DACH2: variants seen among roughly 807,000 people sequenced by gnomAD.
DACH2 encodes dachshund family transcription factor 2.
DACH2 carries 17 observed loss-of-function variants against 35.8 expected under a neutral mutation model. The observed-to-expected ratio is 0.48, with a 90% CI of 0.33 to 0.71. The LOEUF (loss-of-function observed/expected upper bound fraction) is 0.71. DACH2 is among the 30% of genes least tolerant of loss of function. DACH2 has a pLI of 0.02. For missense variants in DACH2, 469 were observed against 472.7 expected (o/e 0.99, Z 0.07); for synonymous variants, 195 against 177.3 (o/e 1.10, Z -0.79).
intron 3 of DACH2, among the ~76,000 whole-genome samples, chrX:86,523,815 C>A (rs1312777971): frequency 9.0e-6 from 1 of 110,918 alleles, no homozygotes; most frequent in Non-Finnish European, 1.9e-5. Context: ...TCTACAGGAG[C>A]AATTGGGGAA....
intron 1 of DACH2, among the ~76,000 whole-genome samples, chrX:86,173,666 T>C (rs2031205025): frequency 1.8e-5 from 2 of 111,587 alleles, no homozygotes; most frequent in Non-Finnish European, 3.8e-5. Context: ...AATGGTAATA[T>C]TGGGGAGTTG....
chrX:86,497,783 C>T (rs1036294997), intron 2 of DACH2, among the ~76,000 whole-genome samples: 4 of 111,316 alleles, frequency 3.6e-5, no homozygotes, highest in African/African-American at 1.3e-4. Flanking sequence ...CACTTGAGGC[C>T]AGGAGTTCAA....
intron 1 of DACH2, among the ~76,000 whole-genome samples, chrX:86,303,070 T>C (rs2034606275): frequency 9.7e-6 from 1 of 102,765 alleles, no homozygotes; most frequent in Admixed American, 1.1e-4. Context: ...ACATCTAGTA[T>C]GTTGTGGAGG....
intron 1 of DACH2, among the ~76,000 whole-genome samples, chrX:86,221,465 T>C (rs1222321814): frequency 2.7e-5 from 3 of 112,129 alleles, no homozygotes; most frequent in African/African-American, 9.7e-5. Flanking sequence ...TATCATAGCT[T>C]TGTAATACAT....
intron 3 of DACH2, among the ~76,000 whole-genome samples, chrX:86,546,894 T>G (rs1339621136): frequency 9.0e-6 from 1 of 110,634 alleles, no homozygotes; most frequent in Non-Finnish European, 1.9e-5. Context: ...ACTTACCTAC[T>G]TTTTTGCAGG....
chrX:86,821,447 G>T (rs752092934), intron 11 of DACH2, among the ~76,000 whole-genome samples: 2 of 110,803 alleles, frequency 1.8e-5, no homozygotes, highest in Non-Finnish European at 3.8e-5. Context: ...CCACAGAGAA[G>T]ATCCCAGCAT....
intron 1 of DACH2, among the ~76,000 whole-genome samples, chrX:86,186,542 G>A (rs1325178617): frequency 9.0e-6 from 1 of 111,656 alleles, no homozygotes. Context: ...GAGTTTTGAA[G>A]ACAGGTAGTA....
At chrX:86,430,963 T>A (rs2036976137) in intron 2 of DACH2, among the ~76,000 whole-genome samples, 1 of 112,159 alleles carries the variant, frequency 8.9e-6, no homozygotes, top group Admixed American at 9.5e-5. Flanking sequence ...TTGTAACCAC[T>A]GTGCATGTCC....
At chrX:86,331,980 C>A (rs996504551) in intron 1 of DACH2, among the ~76,000 whole-genome samples, 3 of 111,536 alleles carry the variant, frequency 2.7e-5, no homozygotes, top group African/African-American at 9.8e-5. Flanking sequence ...GATTTTTCAC[C>A]GACATGGAGT....
intron 1 of DACH2, among the ~76,000 whole-genome samples, chrX:86,158,737 T>A (rs2030642769): frequency 9.0e-6 from 1 of 111,442 alleles, no homozygotes; most frequent in Non-Finnish European, 1.9e-5. Flanking sequence ...TATGAAATAT[T>A]TGAGATTACA....
chrX:86,650,315 C>T (rs2040463988), intron 3 of DACH2, among the ~76,000 whole-genome samples: 2 of 110,858 alleles, frequency 1.8e-5, no homozygotes, highest in South Asian at 7.6e-4. Context: ...TTCATTTGGT[C>T]CCTCAGTGTA....
At chrX:86,468,974 G>T in intron 2 of DACH2, among the ~76,000 whole-genome samples, 1 of 111,290 alleles carries the variant, frequency 9.0e-6, no homozygotes, top group Admixed American at 9.6e-5. Flanking sequence ...GTGGATTAAT[G>T]GATAAAGAAA....
At chrX:86,688,870 C>T (rs751233161) in intron 4 of DACH2, among the ~76,000 whole-genome samples, 290 of 112,119 alleles carry the variant, frequency 2.6e-3, no homozygotes, top group Middle Eastern at 0.019. Flanking sequence ...TGCATGTGGA[C>T]TTTGAGCACT....
intron 1 of DACH2, among the ~76,000 whole-genome samples, chrX:86,368,158 T>C (rs986481843): frequency 1.8e-5 from 2 of 112,399 alleles, no homozygotes; most frequent in Non-Finnish European, 3.8e-5. Flanking sequence ...TAAATTGTTA[T>C]AGTACTTAAT....
rs372029673 is a variant in DACH2, at chrX:86,327,336, T to C, written c.489-49488T>C. On this transcript the variant is annotated intron_variant, in intron 1 of 11. Transcript: ENST00000373125. ...TGCAGATTCTGGTGCTTTACCTGCC[T>C]CTGGCTTTGTTTCTCACCAAGACAC... 3.2e-4 allele frequency among the ~76,000 whole-genome samples: 36 copies of C among 112,152 alleles called. No individual in the cohort carries two copies. In the East Asian group the frequency reaches 3.9e-3, roughly 12 times the overall value.
intron 1 of DACH2, among the ~76,000 whole-genome samples, chrX:86,277,553 C>A (rs1490746766): frequency 8.9e-6 from 1 of 112,204 alleles, no homozygotes; most frequent in Admixed American, 9.5e-5. Flanking sequence ...CAAATTCAAG[C>A]GATTTTCTTA....
intron 1 of DACH2, among the ~76,000 whole-genome samples, chrX:86,172,134 G>T (rs998663480): frequency 1.3e-4 from 15 of 112,074 alleles, no homozygotes; most frequent in Non-Finnish European, 2.8e-4. Context: ...CAACCCTTTT[G>T]TCTAAAACTA....
chrX:86,762,022 C>T (rs2041888722), intron 7 of DACH2, among the ~76,000 whole-genome samples: 1 of 111,022 alleles, frequency 9.0e-6, no homozygotes, highest in African/African-American at 3.3e-5. Context: ...TATCTACCCA[C>T]TATTTTGGTT....
intron 5 of DACH2, among the ~76,000 whole-genome samples, chrX:86,698,519 G>GTTTATTTTTTTTTTTTTTTTT (rs1378300889): frequency 3.1e-5 from 1 of 32,082 alleles, no homozygotes; most frequent in African/African-American, 1.3e-4. Context: ...TGTTAGTTTT[G>GTTTATTTTTTTTTTTTTTTTT]TGTTTTTTTT....
Sources: gnomAD v4.1 joint callset for allele counts (sites outside exome capture counted in the v4.1 genomes callset) on GRCh38, gnomAD v4.1.1 for gene constraint, MANE v1.5 for transcripts, NCBI Gene and HGNC (gene_info 2026-07-23, HGNC 2026-07-21) for gene names.